The following AKT3 variants were observed in gnomAD, a reference collection of about 807,000 sequenced individuals.
AKT3 encodes AKT serine/threonine kinase 3.
In AKT3, 15 loss-of-function variants were observed where a neutral mutation model predicts 65.3. That is an observed-to-expected ratio of 0.23 (90% CI 0.15 to 0.35). The LOEUF (loss-of-function observed/expected upper bound fraction) is 0.35. Among genes scored for constraint, AKT3 ranks in the 10% least tolerant of loss-of-function variants. AKT3 has a pLI of 1.00. For synonymous variants in AKT3, 206 were observed against 183.8 expected (o/e 1.12, Z -0.98); for missense variants, 243 against 576.5 (o/e 0.42, Z 5.92).
intron 3 of AKT3, among the ~76,000 whole-genome samples, chr1:243,692,535 C>T (rs1005947710): frequency 5.3e-5 from 8 of 151,190 alleles, no homozygotes; most frequent in Non-Finnish European, 2.9e-5. Flanking sequence ...GAGTTTGAGA[C>T]CAGCCTGGCC....
intron 3 of AKT3, among the ~76,000 whole-genome samples, chr1:243,690,350 GT>G (rs1247813527): frequency 1.3e-5 from 2 of 152,076 alleles, no homozygotes; most frequent in Non-Finnish European, 2.9e-5. Flanking sequence ...CAGACAAACT[GT>G]TTTACTCAAA....
At chr1:243,585,924 A>G (rs1675766627) in intron 8 of AKT3, among the ~76,000 whole-genome samples, 1 of 152,218 alleles carries the variant, frequency 6.6e-6, no homozygotes, top group African/African-American at 2.4e-5. Flanking sequence ...CTGTACAGCA[A>G]AAGAAACTAT....
intron 2 of AKT3, among the ~76,000 whole-genome samples, chr1:243,823,810 A>G (rs557657224): frequency 3.3e-4 from 51 of 152,240 alleles, no homozygotes; most frequent in Non-Finnish European, 6.5e-4. Context: ...AAGAATCAAT[A>G]TCGTGAAAAT....
At chr1:243,694,993 G>A (rs577972358) in intron 3 of AKT3, among the ~76,000 whole-genome samples, 1 of 152,108 alleles carries the variant, frequency 6.6e-6, no homozygotes, top group African/African-American at 2.4e-5. Flanking sequence ...AGAGTTGGAA[G>A]AGCCTGGTAA....
intron 2 of AKT3, among the ~76,000 whole-genome samples, chr1:243,819,982 G>A (rs183816320): frequency 4.1e-4 from 62 of 152,278 alleles, no homozygotes; most frequent in Admixed American, 1.0e-3. Context: ...GCAGTGGCAC[G>A]ATCTTGGCTC....
chr1:243,563,572 A>G (rs2148487712), intron 10 of AKT3, 148 bp downstream of exon 10: 1 of 849,804 alleles, frequency 1.2e-6, no homozygotes, highest in South Asian at 2.3e-5. Flanking sequence ...ATACCCCATT[A>G]TAACAAATTA....
At chr1:243,622,274 C>T (rs1030046157) in intron 6 of AKT3, among the ~76,000 whole-genome samples, 3 of 152,308 alleles carry the variant, frequency 2.0e-5, no homozygotes, top group Non-Finnish European at 4.4e-5. Context: ...TCCTGATCTC[C>T]TTCAAATGCT....
At chr1:243,493,435 C>T (rs1410454809) in intron 13 of AKT3, among the ~76,000 whole-genome samples, 2 of 152,130 alleles carry the variant, frequency 1.3e-5, no homozygotes, top group African/African-American at 4.8e-5. Flanking sequence ...TATCTGTCCA[C>T]TTAGAGGATG....
intron 12 of AKT3, among the ~76,000 whole-genome samples, chr1:243,529,178 A>G (rs1374624629): frequency 6.8e-6 from 1 of 147,590 alleles, no homozygotes; most frequent in Non-Finnish European, 1.5e-5. Context: ...AATTTGTTTA[A>G]ATTCCTTATA....
chr1:243,766,527 G>A (rs940350443), intron 2 of AKT3, among the ~76,000 whole-genome samples: 1 of 152,156 alleles, frequency 6.6e-6, no homozygotes, highest in East Asian at 1.9e-4. Context: ...GAGATTAGGA[G>A]TTCAATTAAC....
chr1:243,718,809 G>C (rs1387544303), intron 2 of AKT3, among the ~76,000 whole-genome samples: 1 of 152,062 alleles, frequency 6.6e-6, no homozygotes, highest in South Asian at 2.1e-4. Flanking sequence ...CTAGCAAAAT[G>C]AATTGATGAA....
chr1:243,663,095 G>A (rs1163685141), intron 4 of AKT3, among the ~76,000 whole-genome samples: 1 of 152,168 alleles, frequency 6.6e-6, no homozygotes, highest in Non-Finnish European at 1.5e-5. Context: ...ACTGTGTTGG[G>A]CCATGGACTA....
At chr1:243,679,666 TAAAAACCTA>T (rs999473016) in intron 3 of AKT3, among the ~76,000 whole-genome samples, 37 of 152,334 alleles carry the variant, frequency 2.4e-4, no homozygotes, top group African/African-American at 8.4e-4. Context: ...GCCAAAATGT[TAAAAACCTA>T]ACATGAATTA....
intron 2 of AKT3, among the ~76,000 whole-genome samples, chr1:243,765,464 C>T (rs1689760112): frequency 6.6e-6 from 1 of 152,108 alleles, no homozygotes; most frequent in South Asian, 2.1e-4. Flanking sequence ...CTACCAATGA[C>T]TTCCTAAGTA....
intron 8 of AKT3, among the ~76,000 whole-genome samples, chr1:243,611,909 T>A (rs1677899760): frequency 6.6e-6 from 1 of 152,202 alleles, no homozygotes; most frequent in Admixed American, 6.5e-5. Flanking sequence ...CTCTAAGTGC[T>A]AGATCATCCA....
intron 8 of AKT3, among the ~76,000 whole-genome samples, chr1:243,603,378 T>C (rs920741826): frequency 6.6e-6 from 1 of 152,242 alleles, no homozygotes; most frequent in Non-Finnish European, 1.5e-5. Flanking sequence ...CAGTATTTAA[T>C]ATACTCTGTT....
At chr1:243,835,676 T>C (rs547389993) in intron 2 of AKT3, among the ~76,000 whole-genome samples, 2 of 152,216 alleles carry the variant, frequency 1.3e-5, no homozygotes, top group South Asian at 4.1e-4. Context: ...AATTGTAATA[T>C]AAAAGGATAT....
chr1:243,767,186 A>G (rs1250371737), intron 2 of AKT3, among the ~76,000 whole-genome samples: 2 of 152,144 alleles, frequency 1.3e-5, no homozygotes, highest in Non-Finnish European at 2.9e-5. Flanking sequence ...AAAGTATGTC[A>G]GTAAAAGAGC....
At chr1:243,525,837 G>A (rs112045581) in intron 12 of AKT3, among the ~76,000 whole-genome samples, 17 of 26 alleles carry the variant, frequency 0.65, 4 homozygotes, top group African/African-American at 0.75. Context: ...GGGAGGGAGG[G>A]GGAGGAGGAG....
Sources: gnomAD v4.1 joint callset for allele counts (sites outside exome capture counted in the v4.1 genomes callset) on GRCh38, gnomAD v4.1.1 for gene constraint, MANE v1.5 for transcripts, NCBI Gene and HGNC (gene_info 2026-07-23, HGNC 2026-07-21) for gene names.